ARHGAP15: variants seen among roughly 807,000 people sequenced by gnomAD.
ARHGAP15 encodes rho GTPase-activating protein 15.
In ARHGAP15, 51 loss-of-function variants were observed where a neutral mutation model predicts 63.7. That is an observed-to-expected ratio of 0.80 (90% confidence interval 0.64 to 1.01). ARHGAP15 has a LOEUF of 1.01. Ranked by LOEUF, ARHGAP15 falls within the 50% of genes least tolerant of loss-of-function variation. The pLI, the probability that ARHGAP15 is intolerant of heterozygous loss-of-function variation, is 0.00. For synonymous variants in ARHGAP15, 191 were observed against 193.8 expected, an observed-to-expected ratio of 0.99 and a Z score of 0.12; for missense variants, 560 against 564.6, an observed-to-expected ratio of 0.99 and a Z score of 0.08.
intron 1 of ARHGAP15, among the ~76,000 whole-genome samples, chr2:143,151,510 G>C (rs916415948): frequency 6.6e-6 from 1 of 151,958 alleles, no homozygotes; most frequent in Non-Finnish European, 1.5e-5. Flanking sequence ...AGAGTTAAGG[G>C]AAAGTCTGAC....
intron 8 of ARHGAP15, among the ~76,000 whole-genome samples, chr2:143,443,887 T>C (rs1053349836): frequency 6.6e-6 from 1 of 152,178 alleles, no homozygotes; most frequent in Non-Finnish European, 1.5e-5. Context: ...GACCCGTAGA[T>C]TGCACTTTCT....
chr2:143,648,414 T>G (rs1322026621), intron 12 of ARHGAP15, among the ~76,000 whole-genome samples: 1 of 152,038 alleles, frequency 6.6e-6, no homozygotes, highest in African/African-American at 2.4e-5. Context: ...ACATATATTA[T>G]TTTTCCCTGC....
At chr2:143,403,520 AT>A in intron 6 of ARHGAP15, among the ~76,000 whole-genome samples, 1 of 152,050 alleles carries the variant, frequency 6.6e-6, no homozygotes, top group Admixed American at 6.6e-5. Flanking sequence ...ATACATATGT[AT>A]TACTAGGGAT....
chr2:143,415,403 G>T (rs528206753), intron 6 of ARHGAP15, among the ~76,000 whole-genome samples: 1 of 151,950 alleles, frequency 6.6e-6, no homozygotes, highest in Non-Finnish European at 1.5e-5. Flanking sequence ...TATTTGCAAG[G>T]AGGGAAAATA....
chr2:143,196,466 T>C (rs1045720836), intron 2 of ARHGAP15, among the ~76,000 whole-genome samples: 1 of 152,028 alleles, frequency 6.6e-6, no homozygotes, highest in Admixed American at 6.6e-5. Context: ...TCAGTTCAAA[T>C]ATTTATCAGG....
At chr2:143,300,398 T>C (rs183713203) in intron 6 of ARHGAP15, among the ~76,000 whole-genome samples, 2 of 152,172 alleles carry the variant, frequency 1.3e-5, no homozygotes, top group African/African-American at 4.8e-5. Context: ...ACATATGGTT[T>C]CAAGTTATCT....
intron 11 of ARHGAP15, among the ~76,000 whole-genome samples, chr2:143,610,321 G>T (rs920387429): frequency 1.3e-5 from 2 of 152,066 alleles, no homozygotes; most frequent in African/African-American, 4.8e-5. Context: ...AAATAGCTCT[G>T]TTCATTAAAG....
At chr2:143,266,769 TAAAAG>T (rs1281355257) in intron 6 of ARHGAP15, among the ~76,000 whole-genome samples, 2 of 152,070 alleles carry the variant, frequency 1.3e-5, no homozygotes, top group East Asian at 1.9e-4. Flanking sequence ...TCTAAATAAA[TAAAAG>T]ATAAATAAAA....
rs1034814587 is a variant in ARHGAP15 at position 143,435,357 on chromosome 2, T to C, written c.475-244T>C. The C allele has an allele frequency of 3.5e-5, 39 of 1,103,250 alleles. No individual in the cohort carries two copies. In the African/African-American group the frequency reaches 5.6e-4, roughly 16 times the overall value. 68.3% of individuals were successfully genotyped at this position (1,103,250 alleles called of 1,614,324 possible). ...TCCTTAAGTTGGAGTAATTCAGCTC[T>C]AGCCCTACTCTGACTTAATCGTTCT... On this transcript the variant is annotated intron_variant, in intron 6 of 13. Coordinates refer to ENST00000295095, the MANE Select transcript of ARHGAP15 (RefSeq NM_018460.4).
chr2:143,201,636 C>T (rs971191001), intron 2 of ARHGAP15, among the ~76,000 whole-genome samples: 3 of 152,088 alleles, frequency 2.0e-5, no homozygotes, highest in African/African-American at 7.2e-5. Flanking sequence ...TTGATGCTGG[C>T]TGTCTGCTGG....
intron 13 of ARHGAP15, among the ~76,000 whole-genome samples, chr2:143,709,295 A>G (rs1684471273): frequency 6.6e-6 from 1 of 152,220 alleles, no homozygotes; most frequent in East Asian, 1.9e-4. Context: ...TGTACACATT[A>G]TGCATGCACA....
At chr2:143,308,992 T>C (rs927565800) in intron 6 of ARHGAP15, among the ~76,000 whole-genome samples, 7 of 151,458 alleles carry the variant, frequency 4.6e-5, no homozygotes, top group Non-Finnish European at 7.4e-5. Context: ...AAGAAAAGTT[T>C]TTATGGAGTT....
chr2:143,368,778 T>C (rs1271325350), intron 6 of ARHGAP15, among the ~76,000 whole-genome samples: 1 of 152,026 alleles, frequency 6.6e-6, no homozygotes. Context: ...TTCCATAGGA[T>C]TCAAAGCCAC....
At chr2:143,575,158 C>T (rs1359134414) in intron 11 of ARHGAP15, among the ~76,000 whole-genome samples, 1 of 152,156 alleles carries the variant, frequency 6.6e-6, no homozygotes, top group African/African-American at 2.4e-5. Context: ...GAGTTTCACT[C>T]TCCCTATATG....
intron 13 of ARHGAP15, chr2:143,703,804 T>A (rs1179343182): frequency 4.0e-6 from 1 of 250,978 alleles, no homozygotes; most frequent in African/African-American, 2.3e-5. Flanking sequence ...CTGGGATGGG[T>A]CATCTTGACT....
In ARHGAP15 at chr2:143,184,852, C is replaced by T. The variant is rs868528393; in HGVS notation, c.166-17282C>T. ...GATGCCCAGCTTTTTTTTCTTTTTT[C>T]TTTTTTTTTTTGTAGAGACAAAGTC... is the stretch of plus-strand genomic sequence containing the variant. On this transcript the variant is annotated intron_variant, in intron 2 of 13. Coordinates refer to ENST00000295095, the MANE Select transcript of ARHGAP15 (RefSeq NM_018460.4). Among the ~76,000 whole-genome samples, 247 of 145,310 alleles carry T rather than the reference C, an allele frequency of 1.7e-3. 1 individual carries two copies. The highest frequency in any genetic ancestry group is 3.6e-3 in the Middle Eastern group (1 of 276).
intron 6 of ARHGAP15, among the ~76,000 whole-genome samples, chr2:143,343,493 T>A (rs575421281): frequency 6.6e-6 from 1 of 152,222 alleles, no homozygotes; most frequent in East Asian, 1.9e-4. Flanking sequence ...CTTACAGCAA[T>A]GAGAAATCTT....
intron 6 of ARHGAP15, among the ~76,000 whole-genome samples, chr2:143,423,282 A>T (rs1475903402): frequency 1.3e-5 from 2 of 152,154 alleles, no homozygotes; most frequent in African/African-American, 4.8e-5. Context: ...ATAGCTCACT[A>T]ATACAGGTTC....
rs144736207 is a variant in ARHGAP15 at position 143,429,651 on chromosome 2, C to T, written c.475-5950C>T. Among the ~76,000 whole-genome samples, 53 of 152,094 alleles carry T rather than the reference C, an allele frequency of 3.5e-4. No individual in the cohort carries two copies. In the East Asian group the frequency reaches 7.0e-3, roughly 20 times the overall value. On this transcript the variant is annotated intron_variant, in intron 6 of 13. Coordinates refer to ENST00000295095, the MANE Select transcript of ARHGAP15 (RefSeq NM_018460.4). The stretch of plus-strand genomic sequence containing the variant: ...CAATAAGCGTCTGGAAACTAATGAA[C>T]GCACATTTGTTAACATAGGGGGAGT...
Sources: allele counts gnomAD v4.1 joint callset (sites outside exome capture counted in the v4.1 genomes callset), GRCh38; gene constraint gnomAD v4.1.1; transcripts MANE v1.5; gene names NCBI Gene and HGNC (gene_info 2026-07-23, HGNC 2026-07-21).